Variants in KCNIP4 observed in about 807,000 individuals in gnomAD.
KCNIP4 encodes Kv channel-interacting protein 4.
In KCNIP4, 12 loss-of-function variants were observed where a neutral mutation model predicts 34.0. The observed-to-expected ratio is 0.35, with a 90% CI of 0.23 to 0.57. The LOEUF (loss-of-function observed/expected upper bound fraction) is 0.57. Among genes scored for constraint, KCNIP4 ranks in the 20% least tolerant of loss-of-function variants. The probability of loss-of-function intolerance (pLI) is 0.83; values close to 1 mark genes in which losing one functional copy is unlikely to be tolerated. For missense variants in KCNIP4, 238 were observed against 311.7 expected, an observed-to-expected ratio of 0.76 and a Z score of 1.78; for synonymous variants, 124 against 102.2, an observed-to-expected ratio of 1.21 and a Z score of -1.29.
At chr4:20,761,507 C>T (rs1754958715) in intron 3 of KCNIP4, among the ~76,000 whole-genome samples, 1 of 152,144 alleles carries the variant, frequency 6.6e-6, no homozygotes, top group Non-Finnish European at 1.5e-5. Context: ...GATTTATTGG[C>T]TATTTAATGC....
chr4:21,023,785 G>T (rs1268738050), intron 1 of KCNIP4, among the ~76,000 whole-genome samples: 1 of 152,120 alleles, frequency 6.6e-6, no homozygotes, highest in Non-Finnish European at 1.5e-5. Flanking sequence ...AGGAGGTTAA[G>T]GTAGGAGGAT....
intron 1 of KCNIP4, among the ~76,000 whole-genome samples, chr4:21,888,320 CTCTGTGG>C (rs1726902454): frequency 6.6e-6 from 1 of 152,052 alleles, no homozygotes. Context: ...CATGGAGGTC[CTCTGTGG>C]AACATTATGC....
At chr4:20,971,935 C>T (rs1332989641) in intron 1 of KCNIP4, among the ~76,000 whole-genome samples, 1 of 152,138 alleles carries the variant, frequency 6.6e-6, no homozygotes, top group East Asian at 1.9e-4. Context: ...AAATTCTTAG[C>T]TATCAATTGA....
At chr4:21,273,882 G>A (rs1460816212) in intron 1 of KCNIP4, among the ~76,000 whole-genome samples, 2 of 152,176 alleles carry the variant, frequency 1.3e-5, no homozygotes, top group Non-Finnish European at 2.9e-5. Flanking sequence ...TATGGAAGGT[G>A]TGTGTCTCCA....
intron 1 of KCNIP4, among the ~76,000 whole-genome samples, chr4:21,143,357 C>G (rs768036312): frequency 6.6e-6 from 1 of 152,108 alleles, no homozygotes; most frequent in Non-Finnish European, 1.5e-5. Context: ...AGGGTGGTCT[C>G]TAGGAGTGGA....
chr4:21,136,626 C>T (rs1205299279), intron 1 of KCNIP4, among the ~76,000 whole-genome samples: 1 of 152,092 alleles, frequency 6.6e-6, no homozygotes, highest in African/African-American at 2.4e-5. Context: ...GATGATAATT[C>T]TCTTGGGATG....
intron 1 of KCNIP4, among the ~76,000 whole-genome samples, chr4:21,537,566 T>C (rs1235105999): frequency 2.0e-5 from 3 of 152,294 alleles, no homozygotes; most frequent in African/African-American, 4.8e-5. Context: ...GGTTGAATAG[T>C]GTTCCTTAAA....
intron 1 of KCNIP4, among the ~76,000 whole-genome samples, chr4:21,716,200 A>C (rs2109087404): frequency 6.6e-6 from 1 of 152,254 alleles, no homozygotes; most frequent in African/African-American, 2.4e-5. Flanking sequence ...AAAGTGACTC[A>C]GTTTACGTAT....
chr4:20,824,206 C>G (rs1560492841), intron 3 of KCNIP4, among the ~76,000 whole-genome samples: 1 of 152,010 alleles, frequency 6.6e-6, no homozygotes, highest in Admixed American at 6.6e-5. Flanking sequence ...GCATTTGTGT[C>G]TGTGTGTGTG....
At chr4:21,381,232 T>C (rs554646453) in intron 1 of KCNIP4, among the ~76,000 whole-genome samples, 2 of 152,316 alleles carry the variant, frequency 1.3e-5, no homozygotes, top group South Asian at 4.1e-4. Flanking sequence ...ATTCTCTGCC[T>C]TTTCACTGTC....
intron 1 of KCNIP4, among the ~76,000 whole-genome samples, chr4:20,888,369 T>C (rs906228677): frequency 2.0e-5 from 3 of 152,188 alleles, no homozygotes; most frequent in Admixed American, 1.3e-4. Context: ...ATATCTTTTA[T>C]GATTGTCTCA....
chr4:21,792,429 T>C (rs1380062242), intron 1 of KCNIP4, among the ~76,000 whole-genome samples: 1 of 152,178 alleles, frequency 6.6e-6, no homozygotes. Context: ...GGCATAAAAT[T>C]GCCCTCATAA....
chr4:20,765,507 C>A (rs1307115995), intron 3 of KCNIP4, among the ~76,000 whole-genome samples: 1 of 152,132 alleles, frequency 6.6e-6, no homozygotes, highest in African/African-American at 2.4e-5. Flanking sequence ...TTTTAGAAAT[C>A]TTTGGTTTTA....
rs1747004194 is a variant in KCNIP4, at chr4:20,729,082, C to A, written c.*1000G>T. 6.6e-6 allele frequency: 1 copy of A among 151,806 alleles called. No individual in the cohort carries two copies. 9.4% of individuals were successfully genotyped at this position (151,806 alleles called of 1,614,324 possible). A position where few individuals can be genotyped will look rare whatever the true frequency, so the allele number is the denominator to read the frequency against. ...TTGCTAATTTTGCTTGCTGTTTGTT[C>A]TTAGTAGACAGTGGGGTAGTCAAGG... On this transcript the variant is annotated 3_prime_UTR_variant, in exon 9 of 9. Transcript: ENST00000382152.
intron 1 of KCNIP4, among the ~76,000 whole-genome samples, chr4:21,654,941 A>G (rs1441163739): frequency 6.6e-6 from 1 of 152,050 alleles, no homozygotes; most frequent in Non-Finnish European, 1.5e-5. Context: ...AAAGGAAAGA[A>G]AAAGAAAACT....
intron 1 of KCNIP4, among the ~76,000 whole-genome samples, chr4:21,340,413 T>C (rs1304831236): frequency 6.6e-6 from 1 of 152,184 alleles, no homozygotes; most frequent in African/African-American, 2.4e-5. Flanking sequence ...AGCCATCTGT[T>C]ATTTAAATTC....
rs76086663 is a variant in KCNIP4, at chr4:20,991,605, G to A, written c.62-108896C>T. ...GAATAAAAGAGGGCTCCAGGAAAGG[G>A]CCGATCAAGGGGCTATTTCTCCTTC... is the stretch of plus-strand genomic sequence containing the variant. On this transcript the variant is annotated intron_variant, in intron 1 of 8. Coordinates refer to ENST00000382152, the MANE Select transcript of KCNIP4 (RefSeq NM_025221.6). Among the ~76,000 whole-genome samples, 1,251 of 152,266 alleles carry A rather than the reference G, an allele frequency of 8.2e-3. 42 individuals are homozygous for A. Among genetic ancestry groups the A allele is most frequent in the Admixed American group, 0.06 (914 of 15,294 alleles).
chr4:21,680,849 T>C lies in KCNIP4; in HGVS notation c.61+267722A>G, dbSNP rs185197072. On this transcript the variant is annotated intron_variant, in intron 1 of 8. Transcript: ENST00000382152. ...AAACAGACATGATGTCATCCAGGTTTGGTTGTTCCATTATTGAGCAGAGAC... is the reference window on the plus strand; with the variant it reads ...AAACAGACATGATGTCATCCAGGTTCGGTTGTTCCATTATTGAGCAGAGAC... Among the ~76,000 whole-genome samples the C allele has an allele frequency of 2.0e-5, 3 of 152,314 alleles. No individual in the cohort carries two copies. The East Asian group carries it at 5.8e-4, about 29-fold the overall frequency.
At chr4:20,765,753 C>T (rs1229902328) in intron 3 of KCNIP4, among the ~76,000 whole-genome samples, 1 of 152,144 alleles carries the variant, frequency 6.6e-6, no homozygotes, top group Non-Finnish European at 1.5e-5. Flanking sequence ...GATATGATCA[C>T]AACACAATAA....
Sources: allele counts gnomAD v4.1 joint callset (sites outside exome capture counted in the v4.1 genomes callset), GRCh38; gene constraint gnomAD v4.1.1; transcripts MANE v1.5; gene names NCBI Gene and HGNC (gene_info 2026-07-23, HGNC 2026-07-21).